Variants in FLI1 observed in about 807,000 individuals in gnomAD.
The protein encoded by FLI1 is Fli-1 proto-oncogene, ETS transcription factor.
Under a neutral mutation model 53.1 loss-of-function variants are expected in FLI1, and 13 were observed. The ratio of observed to expected loss-of-function variants is 0.24; its 90% CI spans 0.16 to 0.39. The LOEUF (loss-of-function observed/expected upper bound fraction) is 0.39. FLI1 is among the 10% of genes least tolerant of loss of function. The probability of loss-of-function intolerance (pLI) is 1.00; values close to 1 mark genes in which losing one functional copy is unlikely to be tolerated. For missense variants in FLI1, 424 were observed against 600.5 expected, an observed-to-expected ratio of 0.71 and a Z score of 3.07; for synonymous variants, 244 against 236.7, an observed-to-expected ratio of 1.03 and a Z score of -0.28.
intron 2 of FLI1, among the ~76,000 whole-genome samples, chr11:128,764,420 T>C (rs1275757983): frequency 6.6e-6 from 1 of 152,210 alleles, no homozygotes. Context: ...GAGATGGAGA[T>C]GTGCTGAGTT....
At chr11:128,749,024 G>A (rs536223019) in intron 1 of FLI1, among the ~76,000 whole-genome samples, 311 of 152,216 alleles carry the variant, frequency 2.0e-3, no homozygotes, top group Admixed American at 5.0e-3. Flanking sequence ...TTGTCGTTTG[G>A]AGATAATTCC....
At chr11:128,724,279 A>C (rs1939377023) in intron 1 of FLI1, among the ~76,000 whole-genome samples, 1 of 152,168 alleles carries the variant, frequency 6.6e-6, no homozygotes, top group Non-Finnish European at 1.5e-5. Flanking sequence ...AGAATTTACC[A>C]GACAGGGTAT....
At chr11:128,764,544 G>A (rs1197605440) in intron 2 of FLI1, 3 of 1,041,886 alleles carry the variant, frequency 2.9e-6, no homozygotes, top group Non-Finnish European at 2.8e-6. Flanking sequence ...CATGCTAGCT[G>A]TAAGTGCAGG....
At chr11:128,782,244 T>TGAA (rs1256367382) in intron 5 of FLI1, among the ~76,000 whole-genome samples, 2 of 152,210 alleles carry the variant, frequency 1.3e-5, no homozygotes, top group African/African-American at 4.8e-5. Flanking sequence ...AGATACAACT[T>TGAA]GAAGTTGTCA....
chr11:128,796,469 C>T (rs1167413973), intron 5 of FLI1, among the ~76,000 whole-genome samples: 2 of 152,230 alleles, frequency 1.3e-5, no homozygotes, highest in African/African-American at 2.4e-5. Flanking sequence ...GCCTCTGGGC[C>T]TGTGCTAATT....
intron 1 of FLI1, among the ~76,000 whole-genome samples, chr11:128,747,067 G>A (rs562583849): frequency 6.6e-6 from 1 of 152,320 alleles, no homozygotes; most frequent in East Asian, 1.9e-4. Context: ...CCATCCTCAG[G>A]CGGCACCATC....
intron 1 of FLI1, among the ~76,000 whole-genome samples, chr11:128,731,961 C>G (rs1939716269): frequency 1.3e-5 from 2 of 151,708 alleles, no homozygotes. Context: ...CGAGATCGTG[C>G]CACTGTGCTC....
rs753573002 is a variant in FLI1 at position 128,767,929 on chromosome 11, G to A, written c.231-189G>A. On this transcript the variant is annotated intron_variant, in intron 2 of 8. Transcript: ENST00000527786. ...CGTACTGTAATTATAGGATTGGGCTGGGATTTGAAGAAAACTCTGGTGGCA... is the reference window on the plus strand; with the variant it reads ...CGTACTGTAATTATAGGATTGGGCTAGGATTTGAAGAAAACTCTGGTGGCA... 5.3e-5 allele frequency among the ~76,000 whole-genome samples: 8 copies of A among 152,306 alleles called. No homozygotes were observed. In the East Asian group the frequency reaches 1.5e-3, roughly 29 times the overall value.
chr11:128,720,137 A>G (rs1027984707), intron 1 of FLI1, among the ~76,000 whole-genome samples: 1 of 152,102 alleles, frequency 6.6e-6, no homozygotes, highest in Non-Finnish European at 1.5e-5. Context: ...ATAGACATAT[A>G]TGTATTATTT....
At chr11:128,788,435 C>CT (rs1236720076) in intron 5 of FLI1, among the ~76,000 whole-genome samples, 2 of 152,126 alleles carry the variant, frequency 1.3e-5, no homozygotes, top group Non-Finnish European at 1.5e-5. Context: ...CACCACTGCA[C>CT]TCCAGCCTGG....
At chr11:128,735,977 A>G (rs1319082838) in intron 1 of FLI1, among the ~76,000 whole-genome samples, 1 of 152,212 alleles carries the variant, frequency 6.6e-6, no homozygotes, top group Non-Finnish European at 1.5e-5. Flanking sequence ...CGAAGTTCTT[A>G]AATACTGAAA....
At chr11:128,776,130 T>C (rs1047974271) in intron 4 of FLI1, among the ~76,000 whole-genome samples, 2 of 152,220 alleles carry the variant, frequency 1.3e-5, no homozygotes, top group African/African-American at 4.8e-5. Context: ...TAAATGCAAA[T>C]GTATTTTCCA....
rs773448214 is a variant in FLI1 at position 128,810,565 on chromosome 11, G to A, written c.936G>A (p.Thr312=). 3.0e-5 allele frequency: 49 copies of A among 1,613,108 alleles called. 1 individual carries two copies. Among genetic ancestry groups the A allele is most frequent in the African/African-American group, 2.4e-4 (18 of 74,890 alleles). Residue 312 remains threonine (T), a synonymous_variant, in exon 9 of 9, where the codon ACG becomes ACA. Transcript: ENST00000527786. The surrounding 1 kb of genome is among the most constrained non-coding windows in gnomAD (Gnocchi z 6.6). ...GGACCAACGGGGAGTTCAAAATGACGGACCCCGATGAGGTGGCCAGGCGCT... is the reference window on the plus strand; with the variant it reads ...GGACCAACGGGGAGTTCAAAATGACAGACCCCGATGAGGTGGCCAGGCGCT... The part of the protein sequence containing the change: ...WEGTNGEFKM[T]DPDEVARRWG...
chr11:128,721,764 T>C (rs1342243592), intron 1 of FLI1, among the ~76,000 whole-genome samples: 5 of 152,166 alleles, frequency 3.3e-5, no homozygotes, highest in Non-Finnish European at 7.3e-5. Flanking sequence ...CCAAACAACA[T>C]GTTGACACAA....
chr11:128,687,360 C>T (rs1468017840), intron 1 of FLI1, among the ~76,000 whole-genome samples: 2 of 152,066 alleles, frequency 1.3e-5, no homozygotes, highest in African/African-American at 4.8e-5. Context: ...AATCCGCTGG[C>T]TGGGTGGGGC....
At chr11:128,794,867 G>A (rs142272483) in intron 5 of FLI1, among the ~76,000 whole-genome samples, 1 of 152,290 alleles carries the variant, frequency 6.6e-6, no homozygotes, top group Non-Finnish European at 1.5e-5. Context: ...CTTAAACTCA[G>A]GAGTTCAAGA....
intron 1 of FLI1, among the ~76,000 whole-genome samples, chr11:128,704,944 C>T (rs1333463638): frequency 6.6e-6 from 1 of 152,238 alleles, no homozygotes; most frequent in African/African-American, 2.4e-5. Context: ...CACTTGATCC[C>T]TGTAACAACC....
In FLI1 at chr11:128,756,883, GT is replaced by G. The variant is rs562135128; in HGVS notation, c.19-1226del. ...GTAGCAGATCTCCGGAATGTGCAAA[GT>G]TTTTTAGTTGTCGTTGTTGTTGTTG... On this transcript the variant is annotated intron_variant, in intron 1 of 8. Coordinates refer to ENST00000527786, the MANE Select transcript of FLI1 (RefSeq NM_002017.5). 6.6e-4 allele frequency among the ~76,000 whole-genome samples: 100 copies of G among 152,138 alleles called. 1 individual carries two copies. Among genetic ancestry groups the G allele is most frequent in the Middle Eastern group, 3.4e-3 (1 of 294 alleles).
intron 5 of FLI1, among the ~76,000 whole-genome samples, chr11:128,787,868 G>A (rs971484635): frequency 2.7e-5 from 4 of 148,512 alleles, no homozygotes; most frequent in African/African-American, 7.5e-5. Context: ...GTGCGGTGGC[G>A]TGATCTCGGC....
Sources: allele counts gnomAD v4.1 joint callset (sites outside exome capture counted in the v4.1 genomes callset), GRCh38; gene constraint gnomAD v4.1.1; non-coding constraint Gnocchi (gnomAD v3.1); transcripts MANE v1.5; gene names NCBI Gene and HGNC (gene_info 2026-07-23, HGNC 2026-07-21).